Variants in BTBD9 observed in about 807,000 individuals in gnomAD.
BTBD9 encodes the protein BTB/POZ domain-containing protein 9.
In BTBD9, 49 loss-of-function variants were observed where a neutral mutation model predicts 64.3. That is an observed-to-expected ratio of 0.76 (90% confidence interval 0.61 to 0.97). The LOEUF is 0.97. BTBD9 is among the 50% of genes least tolerant of loss of function. The probability of loss-of-function intolerance (pLI) is 0.00; values close to 1 mark genes in which losing one functional copy is unlikely to be tolerated. For synonymous variants in BTBD9, 260 were observed against 274.7 expected (o/e 0.95, Z 0.53); for missense variants, 598 against 762.1 (o/e 0.78, Z 2.53).
intron 6 of BTBD9, among the ~76,000 whole-genome samples, chr6:38,573,432 G>A (rs2127468633): frequency 6.6e-6 from 1 of 152,210 alleles, no homozygotes; most frequent in South Asian, 2.1e-4. Flanking sequence ...TCCTATGCCA[G>A]ACTCTAAATT....
chr6:38,593,856 GATA>G, intron 3 of BTBD9, 105 bp downstream of exon 3: 1 of 1,026,180 alleles, frequency 9.7e-7, no homozygotes, highest in Non-Finnish European at 1.4e-6. Flanking sequence ...ATAACGCTTT[GATA>G]CCAATGATTT....
At chr6:38,588,747 T>C (rs535123613) in intron 4 of BTBD9, among the ~76,000 whole-genome samples, 3 of 152,360 alleles carry the variant, frequency 2.0e-5, no homozygotes, top group South Asian at 4.1e-4. Context: ...CTTAGTTATT[T>C]TGGAACACTA....
intron 6 of BTBD9, among the ~76,000 whole-genome samples, chr6:38,502,936 T>G (rs1293889513): frequency 6.6e-6 from 1 of 152,196 alleles, no homozygotes; most frequent in East Asian, 1.9e-4. Context: ...GGTAAATCAC[T>G]GTAACGCAAT....
At chr6:38,310,285 T>C (rs571062831) in intron 7 of BTBD9, among the ~76,000 whole-genome samples, 17 of 152,164 alleles carry the variant, frequency 1.1e-4, no homozygotes, top group Non-Finnish European at 2.1e-4. Flanking sequence ...TGTGGGTAAA[T>C]TGGGCAAATC....
intron 6 of BTBD9, among the ~76,000 whole-genome samples, chr6:38,554,037 C>G (rs1019812603): frequency 6.6e-6 from 1 of 151,964 alleles, no homozygotes; most frequent in Non-Finnish European, 1.5e-5. Flanking sequence ...TTTGATCATA[C>G]TAATAAAAGA....
At position 38,620,765 on chromosome 6, in the gene BTBD9, C is replaced by T. The variant is rs762451219; in HGVS notation, c.-28+19035G>A. ...TCGCCCTAAGACATTAAAACAGTTG[C>T]GGGGGTTCCTTGGGATCACCAACTT... On this transcript the variant is annotated intron_variant, in intron 1 of 10. Coordinates refer to ENST00000481247, the MANE Select transcript of BTBD9 (RefSeq NM_001099272.2). Among the ~76,000 whole-genome samples, 15 of 152,070 alleles carry T rather than the reference C, an allele frequency of 9.9e-5. No individual in the cohort carries two copies. The South Asian group carries it at 1.0e-3, about 10-fold the overall frequency.
At chr6:38,509,891 A>T (rs573229498) in intron 6 of BTBD9, among the ~76,000 whole-genome samples, 1 of 152,354 alleles carries the variant, frequency 6.6e-6, no homozygotes, top group Admixed American at 6.5e-5. Flanking sequence ...TTCATGTTTC[A>T]TCAAAAAAAT....
intron 7 of BTBD9, among the ~76,000 whole-genome samples, chr6:38,291,053 G>A (rs1761937505): frequency 6.6e-6 from 1 of 152,134 alleles, no homozygotes; most frequent in Non-Finnish European, 1.5e-5. Context: ...GTATTCCCAG[G>A]TAAGAGTTTC....
intron 10 of BTBD9, among the ~76,000 whole-genome samples, chr6:38,190,933 G>C (rs531668593): frequency 2.6e-5 from 4 of 152,126 alleles, no homozygotes; most frequent in Non-Finnish European, 5.9e-5. Context: ...AAAATTTCAG[G>C]GTTCCATTTG....
intron 8 of BTBD9, among the ~76,000 whole-genome samples, chr6:38,287,980 T>C (rs1417411870): frequency 2.0e-5 from 3 of 152,202 alleles, no homozygotes; most frequent in Non-Finnish European, 4.4e-5. Context: ...CCTATAAGTC[T>C]CTAACCAATA....
rs144199401 is a variant in BTBD9, at chr6:38,444,458, T to C, written c.1155-99365A>G. Among the ~76,000 whole-genome samples the C allele has an allele frequency of 2.5e-3, 387 of 152,324 alleles. 2 individuals carry two copies. The highest frequency in any genetic ancestry group is 7.4e-3 in the African/African-American group (308 of 41,578). On this transcript the variant is annotated intron_variant, in intron 6 of 10. Transcript: ENST00000481247. Reference sequence around the variant, plus strand: ...GAACTGGAGTCTTTCTTATAGCATATAGAATAATTAGTTAACAAATATTAA... The same window carrying C: ...GAACTGGAGTCTTTCTTATAGCATACAGAATAATTAGTTAACAAATATTAA...
chr6:38,188,406 T>C (rs1461418342), intron 10 of BTBD9, among the ~76,000 whole-genome samples: 4 of 152,050 alleles, frequency 2.6e-5, no homozygotes, highest in Admixed American at 1.3e-4. Flanking sequence ...TCCCCACCAG[T>C]CCCTGCTCTG....
intron 9 of BTBD9, among the ~76,000 whole-genome samples, chr6:38,208,972 C>T (rs1392309514): frequency 1.3e-5 from 2 of 152,190 alleles, no homozygotes; most frequent in African/African-American, 2.4e-5. Context: ...GATCAAAAGT[C>T]GCACATGGGA....
chr6:38,249,304 G>A (rs1339535440), intron 9 of BTBD9, among the ~76,000 whole-genome samples: 2 of 152,098 alleles, frequency 1.3e-5, no homozygotes, highest in Admixed American at 6.5e-5. Context: ...ACCCAGGCTG[G>A]AGTGCAGTAG....
At chr6:38,482,980 G>C (rs745575148) in intron 6 of BTBD9, among the ~76,000 whole-genome samples, 2 of 152,008 alleles carry the variant, frequency 1.3e-5, no homozygotes, top group African/African-American at 2.4e-5. Flanking sequence ...CCTTGAGCTA[G>C]AGATCCAGCC....
intron 6 of BTBD9, among the ~76,000 whole-genome samples, chr6:38,389,113 T>A (rs1766302699): frequency 6.6e-6 from 1 of 152,172 alleles, no homozygotes; most frequent in African/African-American, 2.4e-5. Context: ...TTAATAGAGG[T>A]GAGGATTTAA....
intron 9 of BTBD9, among the ~76,000 whole-genome samples, chr6:38,208,571 G>T (rs147287018): frequency 1.1e-4 from 16 of 152,196 alleles, no homozygotes; most frequent in African/African-American, 3.9e-4. Context: ...ATGTGGCAGA[G>T]ACTCAAAATC....
chr6:38,237,689 A>G (rs899706108), intron 9 of BTBD9, among the ~76,000 whole-genome samples: 1 of 152,256 alleles, frequency 6.6e-6, no homozygotes, highest in African/African-American at 2.4e-5. Context: ...AATCTGATGA[A>G]AAAACAATCT....
At chr6:38,613,915 A>G (rs1423576915) in intron 1 of BTBD9, among the ~76,000 whole-genome samples, 2 of 152,144 alleles carry the variant, frequency 1.3e-5, no homozygotes, top group Non-Finnish European at 1.5e-5. Context: ...CCTTCCAGCT[A>G]TGAGTATTCT....
Sources: gnomAD v4.1 joint callset for allele counts (sites outside exome capture counted in the v4.1 genomes callset) on GRCh38, gnomAD v4.1.1 for gene constraint, MANE v1.5 for transcripts, NCBI Gene and HGNC (gene_info 2026-07-23, HGNC 2026-07-21) for gene names.